Variants in TRHDE observed in about 807,000 individuals in gnomAD.
TRHDE encodes the protein thyrotropin releasing hormone degrading enzyme.
TRHDE carries 72 observed loss-of-function variants against 125.7 expected under a neutral mutation model. That is an observed-to-expected ratio of 0.57 (90% CI 0.47 to 0.70). The LOEUF (loss-of-function observed/expected upper bound fraction) is 0.70. TRHDE is among the 30% of genes least tolerant of loss of function. TRHDE has a pLI of 0.00. For synonymous variants in TRHDE, 509 were observed against 509.1 expected (o/e 1.00, Z 0.00); for missense variants, 1,110 against 1,327.1 (o/e 0.84, Z 2.54).
intron 2 of TRHDE, among the ~76,000 whole-genome samples, chr12:72,115,735 A>C (rs1875428280): frequency 6.6e-6 from 1 of 152,160 alleles, no homozygotes; most frequent in Non-Finnish European, 1.5e-5. Context: ...TTTGTATAAA[A>C]GACATTTTAC....
intron 1 of TRHDE, among the ~76,000 whole-genome samples, chr12:72,101,416 G>A (rs1875064953): frequency 6.6e-6 from 1 of 152,190 alleles, no homozygotes; most frequent in Non-Finnish European, 1.5e-5. Context: ...GATGGCTGAT[G>A]TACAATCCTT....
chr12:72,435,261 G>GT (rs1874687556), intron 3 of TRHDE, among the ~76,000 whole-genome samples: 1 of 152,180 alleles, frequency 6.6e-6, no homozygotes, highest in African/African-American at 2.4e-5. Flanking sequence ...AGATGAATTA[G>GT]TATCTAGTTT....
chr12:72,502,762 G>T (rs957944947), intron 6 of TRHDE, among the ~76,000 whole-genome samples: 8 of 152,082 alleles, frequency 5.3e-5, no homozygotes, highest in African/African-American at 1.9e-4. Flanking sequence ...TCATTGTGTG[G>T]ATTCACTCAC....
At chr12:72,558,188 C>A (rs1036137193) in intron 7 of TRHDE, among the ~76,000 whole-genome samples, 1 of 151,966 alleles carries the variant, frequency 6.6e-6, no homozygotes, top group African/African-American at 2.4e-5. Flanking sequence ...TAAACAGGCA[C>A]CTATGACACA....
In TRHDE at chr12:72,479,658, A is replaced by G. The variant is rs529031137; in HGVS notation, c.1584+6478A>G. ...AAGGATTTTTTTTTGTTTTTTTTTAATTTTTATTTTATTATTATTATACTT... is the reference window on the plus strand; with the variant it reads ...AAGGATTTTTTTTTGTTTTTTTTTAGTTTTTATTTTATTATTATTATACTT... On this transcript the variant is annotated intron_variant, in intron 5 of 18. Transcript: ENST00000261180. Among the ~76,000 whole-genome samples, 21 of 149,666 alleles carry G rather than the reference A, an allele frequency of 1.4e-4. No homozygotes were observed. The South Asian group carries it at 3.8e-3, about 27-fold the overall frequency.
intron 2 of TRHDE, among the ~76,000 whole-genome samples, chr12:72,227,300 C>T (rs1878151965): frequency 6.6e-6 from 1 of 152,146 alleles, no homozygotes; most frequent in South Asian, 2.1e-4. Flanking sequence ...GCATCACAGT[C>T]ATGAAAGAAG....
intron 2 of TRHDE, among the ~76,000 whole-genome samples, chr12:72,235,009 C>T (rs891276865): frequency 6.6e-6 from 1 of 152,152 alleles, no homozygotes; most frequent in African/African-American, 2.4e-5. Context: ...GAAATTGGAA[C>T]TCAGTGTCTG....
intron 12 of TRHDE, among the ~76,000 whole-genome samples, chr12:72,617,345 GT>G (rs1872860522): frequency 6.6e-6 from 1 of 152,042 alleles, no homozygotes; most frequent in African/African-American, 2.4e-5. Context: ...TTCAGAATTG[GT>G]TTTTATTATG....
At chr12:72,189,940 G>A (rs1293833321) in intron 2 of TRHDE, among the ~76,000 whole-genome samples, 1 of 152,024 alleles carries the variant, frequency 6.6e-6, no homozygotes, top group Non-Finnish European at 1.5e-5. Context: ...ACACCTTTAG[G>A]AATCCCACCC....
At chr12:72,439,620 T>G (rs1874905245) in intron 3 of TRHDE, among the ~76,000 whole-genome samples, 1 of 151,884 alleles carries the variant, frequency 6.6e-6, no homozygotes, top group African/African-American at 2.4e-5. Flanking sequence ...CTTTACTGAA[T>G]TTTTTAGTTT....
chr12:72,432,806 CA>C (rs2135844617), intron 3 of TRHDE, among the ~76,000 whole-genome samples: 1 of 152,212 alleles, frequency 6.6e-6, no homozygotes, highest in South Asian at 2.1e-4. Flanking sequence ...AGATGCCTTT[CA>C]TTTTTTTGCT....
At chr12:72,225,725 C>G (rs998181610) in intron 2 of TRHDE, among the ~76,000 whole-genome samples, 5 of 152,104 alleles carry the variant, frequency 3.3e-5, no homozygotes, top group Non-Finnish European at 7.4e-5. Context: ...CCTAAAGAAA[C>G]CAGGAAAATG....
intron 3 of TRHDE, among the ~76,000 whole-genome samples, chr12:72,443,311 A>G (rs991931080): frequency 6.6e-6 from 1 of 151,068 alleles, no homozygotes; most frequent in African/African-American, 2.4e-5. Flanking sequence ...AAGGGAGTCT[A>G]CTCAATCACC....
At chr12:72,380,872 T>TTC (rs1266280037) in intron 3 of TRHDE, among the ~76,000 whole-genome samples, 40 of 148,458 alleles carry the variant, frequency 2.7e-4, no homozygotes, top group African/African-American at 9.4e-4. Context: ...TCTCTCTCTC[T>TTC]CTCTTCTTTC....
intron 5 of TRHDE, among the ~76,000 whole-genome samples, chr12:72,480,550 T>C (rs1421483965): frequency 6.6e-6 from 1 of 152,206 alleles, no homozygotes; most frequent in Non-Finnish European, 1.5e-5. Context: ...GTATTTCTTC[T>C]GAGCACTGTG....
chr12:72,331,037 C>T (rs1257178934), intron 2 of TRHDE, among the ~76,000 whole-genome samples: 1 of 152,132 alleles, frequency 6.6e-6, no homozygotes, highest in African/African-American at 2.4e-5. Context: ...ACATGAAACC[C>T]TCTGTGGTAA....
At chr12:72,287,061 A>G (rs1043070017) in intron 2 of TRHDE, 107 bp downstream of exon 2, 1 of 1,176,712 alleles carries the variant, frequency 8.5e-7, no homozygotes, top group Non-Finnish European at 1.2e-6. Context: ...CACCTTATAT[A>G]GTGGAATTCT....
chr12:72,406,430 T>C (rs1021341987), intron 3 of TRHDE, among the ~76,000 whole-genome samples: 1 of 152,204 alleles, frequency 6.6e-6, no homozygotes, highest in African/African-American at 2.4e-5. Context: ...CTTTTCTTCA[T>C]GTAAGAGGCA....
At chr12:72,520,851 A>G (rs1879161311) in intron 6 of TRHDE, among the ~76,000 whole-genome samples, 1 of 152,232 alleles carries the variant, frequency 6.6e-6, no homozygotes, top group African/African-American at 2.4e-5. Flanking sequence ...CCGTATTAAA[A>G]GCTTGAATGA....
Sources: allele counts gnomAD v4.1 joint callset (sites outside exome capture counted in the v4.1 genomes callset), GRCh38; gene constraint gnomAD v4.1.1; transcripts MANE v1.5; gene names NCBI Gene and HGNC (gene_info 2026-07-23, HGNC 2026-07-21).